TCF4: variants seen among roughly 807,000 people sequenced by gnomAD.
TCF4 encodes SL3-3 enhancer factor 2.
Under a neutral mutation model 82.1 loss-of-function variants are expected in TCF4, and 3 were observed. The ratio of observed to expected loss-of-function variants is 0.04; its 90% CI spans 0.02 to 0.09. The LOEUF (loss-of-function observed/expected upper bound fraction) is 0.09. Among genes scored for constraint, TCF4 ranks in the 10% least tolerant of loss-of-function variants. TCF4 has a pLI of 1.00. For missense variants in TCF4, 518 were observed against 852.7 expected (o/e 0.61, Z 4.89); for synonymous variants, 276 against 309.6 (o/e 0.89, Z 1.14).
intron 3 of TCF4, among the ~76,000 whole-genome samples, chr18:55,568,149 GTAGTCAACTC>G (rs2097426164): frequency 6.7e-6 from 1 of 148,400 alleles, no homozygotes; most frequent in Non-Finnish European, 1.5e-5. Flanking sequence ...AGTGCACTAA[GTAGTCAACTC>G]TATTTAGAAA....
chr18:55,603,992 A>G (rs2097699875), intron 2 of TCF4, among the ~76,000 whole-genome samples: 1 of 152,174 alleles, frequency 6.6e-6, no homozygotes, highest in African/African-American at 2.4e-5. Context: ...GGAGCTCCCT[A>G]CTTGACCCAA....
At chr18:55,511,113 TGTCTGAGTAG>T (rs1246336444) in intron 3 of TCF4, among the ~76,000 whole-genome samples, 3 of 152,102 alleles carry the variant, frequency 2.0e-5, no homozygotes, top group Non-Finnish European at 2.9e-5. Flanking sequence ...ATCCTGTTGA[TGTCTGAGTAG>T]GTCTGTTTTG....
rs1239389511 is a variant in TCF4 at position 55,480,303 on chromosome 18, G to T, written c.146-16166C>A. Among the ~76,000 whole-genome samples the T allele has an allele frequency of 8.2e-5, 11 of 134,314 alleles. 1 individual carries two copies. The East Asian group carries it at 9.6e-4, about 12-fold the overall frequency. 88.1% of individuals were successfully genotyped at this position (134,314 alleles called of 152,430 possible). A position where few individuals can be genotyped will look rare whatever the true frequency, so the allele number is the denominator to read the frequency against. On this transcript the variant is annotated intron_variant, in intron 3 of 19. Coordinates refer to ENST00000354452, the MANE Select transcript of TCF4 (RefSeq NM_001083962.2). The stretch of plus-strand genomic sequence containing the variant: ...AAAAAAAAAAAAAAAAAAAGCGGGG[G>T]GGCGGGGGGAGGATATTATGTGTAT...
chr18:55,581,736 G>A (rs1020602905), intron 3 of TCF4, among the ~76,000 whole-genome samples: 1 of 152,012 alleles, frequency 6.6e-6, no homozygotes, highest in Non-Finnish European at 1.5e-5. Flanking sequence ...TTATGTTGGT[G>A]TCATGTGGAT....
intron 17 of TCF4, chr18:55,230,897 C>T (rs41478353): frequency 0.11 from 16,350 of 152,244 alleles, 1,009 homozygotes; most frequent in African/African-American, 0.13. Context: ...AAGTCAAGAA[C>T]ACTTGGGTGA....
chr18:55,320,423 T>C (rs2075211215), intron 8 of TCF4, among the ~76,000 whole-genome samples: 1 of 152,264 alleles, frequency 6.6e-6, no homozygotes, highest in Non-Finnish European at 1.5e-5. Context: ...TATTTCAAGT[T>C]GCCCATTCAT....
At chr18:55,503,550 G>GA (rs1341483733) in intron 3 of TCF4, among the ~76,000 whole-genome samples, 1 of 152,198 alleles carries the variant, frequency 6.6e-6, no homozygotes, top group Non-Finnish European at 1.5e-5. Context: ...CCAGATCTCT[G>GA]ACAGAAGTCC....
At chr18:55,404,690 T>C (rs1336010436) in intron 5 of TCF4, among the ~76,000 whole-genome samples, 1 of 152,170 alleles carries the variant, frequency 6.6e-6, no homozygotes, top group African/African-American at 2.4e-5. Flanking sequence ...TCAATGGCAA[T>C]GGCAATGTTA....
chr18:55,402,165 A>G (rs990199482), intron 6 of TCF4: 23 of 985,324 alleles, frequency 2.3e-5, no homozygotes, highest in Non-Finnish European at 2.7e-5. Flanking sequence ...TTAACCAAGC[A>G]CTGTTCACCT....
At chr18:55,295,637 T>A (rs951219132) in intron 8 of TCF4, among the ~76,000 whole-genome samples, 1 of 152,176 alleles carries the variant, frequency 6.6e-6, no homozygotes, top group Admixed American at 6.5e-5. Context: ...CTCGTCACAT[T>A]CATGATAAAA....
intron 8 of TCF4, among the ~76,000 whole-genome samples, chr18:55,297,155 T>G (rs1008001297): frequency 8.6e-5 from 12 of 139,078 alleles, no homozygotes; most frequent in African/African-American, 3.2e-4. Context: ...AGGTTTTTTT[T>G]TTTTTTTTTT....
intron 5 of TCF4, among the ~76,000 whole-genome samples, chr18:55,429,131 A>G (rs2095094634): frequency 6.6e-6 from 1 of 152,214 alleles, no homozygotes; most frequent in Non-Finnish European, 1.5e-5. Flanking sequence ...AGAACCATCA[A>G]AGGCCCACAG....
chr18:55,245,563 A>G (rs189130021), intron 15 of TCF4, among the ~76,000 whole-genome samples: 75 of 152,324 alleles, frequency 4.9e-4, no homozygotes, highest in Admixed American at 3.8e-3. Context: ...TTTTCACCCA[A>G]TGCAGCCCTG....
chr18:55,350,923 C>T lies in TCF4; in HGVS notation c.450G>A (p.Gln150=), dbSNP rs908969397. ...SPTKPGSQYY[Q]YSSNNPRRRP... ...TCCTTCGGGGATTATTGCTAGAATA[C>T]TGATAGTACTGGGAACCAGGTTTGG... Residue 150 remains glutamine, a synonymous_variant, in exon 7 of 20, where the codon CAG becomes CAA. Coordinates refer to ENST00000354452, the MANE Select transcript of TCF4 (RefSeq NM_001083962.2). 2.5e-6 allele frequency: 4 copies of T among 1,613,508 alleles called. No individual in the cohort carries two copies. Among genetic ancestry groups the T allele is most frequent in the African/African-American group, 2.7e-5 (2 of 74,882 alleles).
chr18:55,375,090 C>A (rs1309965355), intron 6 of TCF4, among the ~76,000 whole-genome samples: 1 of 151,762 alleles, frequency 6.6e-6, no homozygotes, highest in Non-Finnish European at 1.5e-5. Context: ...CAAACAACAT[C>A]CCTAGATAAG....
chr18:55,229,610 A>T (rs1347430636), intron 17 of TCF4: 1 of 168,862 alleles, frequency 5.9e-6, no homozygotes. Context: ...GTAAGAAGAA[A>T]GGCCTATATG....
intron 2 of TCF4, among the ~76,000 whole-genome samples, chr18:55,606,366 A>T (rs191416173): frequency 6.6e-5 from 10 of 152,184 alleles, no homozygotes; most frequent in African/African-American, 2.4e-4. Flanking sequence ...CTGTTCTTCC[A>T]CTGTGGGAAT....
intron 8 of TCF4, among the ~76,000 whole-genome samples, chr18:55,338,433 G>C (rs973328242): frequency 6.6e-6 from 1 of 152,158 alleles, no homozygotes; most frequent in Non-Finnish European, 1.5e-5. Flanking sequence ...CTTCCGGGGA[G>C]AGGATTCAGG....
At chr18:55,518,281 G>C (rs1473971503) in intron 3 of TCF4, among the ~76,000 whole-genome samples, 3 of 151,990 alleles carry the variant, frequency 2.0e-5, no homozygotes, top group Non-Finnish European at 2.9e-5. Context: ...CAGTTAAGTA[G>C]AGCAAATTTA....
Sources: gnomAD v4.1 joint callset for allele counts (sites outside exome capture counted in the v4.1 genomes callset) on GRCh38, gnomAD v4.1.1 for gene constraint, MANE v1.5 for transcripts, NCBI Gene and HGNC (gene_info 2026-07-23, HGNC 2026-07-21) for gene names.